Variants in ZFC3H1 observed in about 807,000 individuals in gnomAD.
ZFC3H1 encodes the protein zinc finger C3H1-type containing.
A neutral mutation model predicts 243.7 loss-of-function variants in ZFC3H1; 71 were observed. That is an observed-to-expected ratio of 0.29 (90% CI 0.24 to 0.36). The LOEUF (loss-of-function observed/expected upper bound fraction) is 0.36, where lower values mean the gene tolerates loss of function less well. ZFC3H1 is among the 10% of genes least tolerant of loss of function. The pLI is 1.00. For missense variants in ZFC3H1, 1,966 were observed against 2,317.1 expected, an observed-to-expected ratio of 0.85 and a Z score of 3.11; for synonymous variants, 838 against 813.0, an observed-to-expected ratio of 1.03 and a Z score of -0.52.
chr12:71,663,506 C>G lies in ZFC3H1; in HGVS notation c.105G>C (p.Gln35His), dbSNP rs754690346. 2 of 1,613,510 alleles carry G rather than the reference C, an allele frequency of 1.2e-6. No homozygotes were observed. Among genetic ancestry groups the G allele is most frequent in the East Asian group, 2.2e-5 (1 of 44,904 alleles). ...TGCTGCTGCTGCTCCGACTCCGTAT[C>G]TGGCTGTTATTATCGTCGTCACTGA... The part of the protein sequence containing the change: ...GEISDDDNNS[Q>H]IRSRSSSSSS... Residue 35 changes from glutamine to histidine, a missense_variant, in exon 1 of 35, where the codon CAG becomes CAC. Around this residue, in one of 4 missense-constraint regions of ZFC3H1, gnomAD observed 484 missense variants for 449.7 expected, o/e 1.08. Transcript: ENST00000378743.
chr12:71,630,082 T>C (rs901934012), intron 18 of ZFC3H1, among the ~76,000 whole-genome samples: 5 of 152,210 alleles, frequency 3.3e-5, no homozygotes, highest in Non-Finnish European at 7.3e-5. Context: ...AGCTTGAGGT[T>C]TATTACTTGG....
In ZFC3H1 at chr12:71,626,148, T is replaced by A. The variant is rs1007962489; in HGVS notation, c.4317+112A>T. The A allele has an allele frequency of 1.0e-4, 111 of 1,103,036 alleles. 3 individuals carry two copies. The Admixed American group carries it at 1.1e-3, about 11-fold the overall frequency. The allele number at this position is 1,103,036 out of a possible 1,614,324, so 68.3% of individuals were successfully genotyped here. A position where few individuals can be genotyped will look rare whatever the true frequency, so the allele number is the denominator to read the frequency against. ...GAAAGTAAGGTTATTATGTCTATATTCAGATAAAGCATATGCTCTATTAAG... is the reference window on the plus strand; with the variant it reads ...GAAAGTAAGGTTATTATGTCTATATACAGATAAAGCATATGCTCTATTAAG... On this transcript the variant is annotated intron_variant, in intron 22 of 34. Transcript: ENST00000378743.
Position 71,634,744 on chromosome 12 carries a change from TTTC to T in ZFC3H1, c.2317_2319del (p.Glu773del). 2.5e-6 allele frequency: 4 copies of T among 1,606,510 alleles called. No individual in the cohort carries two copies. Among genetic ancestry groups the T allele is most frequent in the Non-Finnish European group, 3.4e-6 (4 of 1,177,346 alleles). ...TTTAACAATCTATATTCAATCTTCT[TTTC>T]TTCAGGCAAAGCCTCCGGTGTTCGC... On this transcript the variant is annotated inframe_deletion, in exon 11 of 35. Coordinates refer to ENST00000378743, the MANE Select transcript of ZFC3H1 (RefSeq NM_144982.5).
intron 6 of ZFC3H1, among the ~76,000 whole-genome samples, chr12:71,638,819 AAAAAC>A (rs1220346359): frequency 6.6e-6 from 1 of 151,850 alleles, no homozygotes; most frequent in Non-Finnish European, 1.5e-5. Context: ...CATACTTTAA[AAAAAC>A]AAACAAAAAA....
At chr12:71,615,811 C>T (rs1024900195) in intron 27 of ZFC3H1, among the ~76,000 whole-genome samples, 14 of 152,128 alleles carry the variant, frequency 9.2e-5, no homozygotes, top group Non-Finnish European at 2.1e-4. Flanking sequence ...AGCTGCTGCG[C>T]CTGGCCACAG....
intron 20 of ZFC3H1, among the ~76,000 whole-genome samples, chr12:71,628,603 G>A (rs1042599609): frequency 2.0e-5 from 3 of 152,192 alleles, no homozygotes; most frequent in Admixed American, 1.3e-4. Flanking sequence ...AGGCTAGGCA[G>A]TGGTTCTCAA....
At chr12:71,637,117 C>T in intron 7 of ZFC3H1, 58 bp from the exon 8 acceptor site, 3 of 1,404,694 alleles carry the variant, frequency 2.1e-6, no homozygotes, top group Non-Finnish European at 3.0e-6. Flanking sequence ...AAATGCTTCT[C>T]TCTGCAGCAA....
At chr12:71,635,961 C>G (rs1030393974) in intron 9 of ZFC3H1, among the ~76,000 whole-genome samples, 1 of 152,078 alleles carries the variant, frequency 6.6e-6, no homozygotes, top group Non-Finnish European at 1.5e-5. Context: ...ACTGGCTTAC[C>G]TAACAGGAAA....
intron 2 of ZFC3H1, 69 bp from the exon 3 acceptor site, chr12:71,647,882 TATA>T (rs1217221791): frequency 3.4e-6 from 2 of 586,872 alleles, no homozygotes; most frequent in Non-Finnish European, 5.6e-6. Context: ...AATAATCCTA[TATA>T]ATATCTGGTA....
rs1438349291 is a variant in ZFC3H1, at chr12:71,614,937, G to A, written c.5257C>T (p.Leu1753Phe). Reference protein sequence around the residue: ...QVPYLWLIYCLCHPLQSSIKE... With the variant: ...QVPYLWLIYCFCHPLQSSIKE... ...ATACTTGATTGAAGAGGATGACAAA[G>A]GCTGTTTAAAAAATGAAGGAAAACA... The change falls in exon 29 of 35, where the codon CTT becomes TTT. Residue 1753 changes from leucine to phenylalanine, a missense_variant and splice_region_variant. Physicochemically the swap from Leu to Phe is conservative, Grantham distance 22 (BLOSUM62 0). Transcript: ENST00000378743. The A allele has an allele frequency of 6.2e-7, 1 of 1,611,594 alleles. No individual in the cohort carries two copies. Among genetic ancestry groups the A allele is most frequent in the Admixed American group, 1.7e-5 (1 of 59,754 alleles).
At position 71,657,143 on chromosome 12, in the gene ZFC3H1, T is replaced by C; in HGVS notation, c.757A>G (p.Lys253Glu). ...GGATCTTCCTGCACATTCTCTTCTT[T>C]GCTACTCAATGCTAGTTTTTCATCC... ...NKDEKLALSS[K>E]EENVQEDPKT... The change falls in exon 2 of 35, where the codon AAA becomes GAA. Residue 253 changes from lysine (K) to glutamate (E), a missense_variant. Coordinates refer to ENST00000378743, the MANE Select transcript of ZFC3H1 (RefSeq NM_144982.5). The C allele has an allele frequency of 6.2e-7, 1 of 1,613,982 alleles. No homozygotes were observed. The highest frequency in any genetic ancestry group is 8.5e-7 in the Non-Finnish European group (1 of 1,179,940).
In ZFC3H1 at chr12:71,632,986, T is replaced by C. The variant is rs369134726; in HGVS notation, c.2717A>G (p.Lys906Arg). ...TCCATATTTTAGAGTCAAAGCTTTC[T>C]TAATTGTAACACGCTGTTGAACTCT... Reference protein sequence around the residue: ...IHRVQQRVTIKKALTLKYGEE... With the variant: ...IHRVQQRVTIRKALTLKYGEE... Residue 906 changes from lysine (K) to arginine (R), a missense_variant, in exon 14 of 35, where the codon AAG (lysine) becomes AGG (arginine). Lys to Arg is a conservative substitution (Grantham distance 26, BLOSUM62 2). Coordinates refer to ENST00000378743, the MANE Select transcript of ZFC3H1 (RefSeq NM_144982.5). 6.2e-6 allele frequency: 10 copies of C among 1,612,640 alleles called. No individual in the cohort carries two copies. The African/African-American group carries it at 9.4e-5, about 15-fold the overall frequency.
chr12:71,630,942 A>G lies in ZFC3H1; in HGVS notation c.3483T>C (p.Tyr1161=), dbSNP rs1880306365. 1 of 1,611,364 alleles carries G rather than the reference A, an allele frequency of 6.2e-7. No individual in the cohort carries two copies. Among genetic ancestry groups the G allele is most frequent in the African/African-American group, 1.3e-5 (1 of 74,892 alleles). The change falls in exon 17 of 35, where the codon TAT becomes TAC. Residue 1161 remains tyrosine, a synonymous_variant. Coordinates refer to ENST00000378743, the MANE Select transcript of ZFC3H1 (RefSeq NM_144982.5). ...LVFKSYRFSP[Y]YRTKEKLPLS... The stretch of plus-strand genomic sequence containing the variant: ...GGGGAAGTTTTTCCTTGGTTCGATA[A>G]TATGGACTAAATCTAAGGTGAAGAG...
At chr12:71,639,050 C>T (rs575765270) in intron 6 of ZFC3H1, among the ~76,000 whole-genome samples, 3 of 152,096 alleles carry the variant, frequency 2.0e-5, no homozygotes, top group Non-Finnish European at 4.4e-5. Flanking sequence ...CAATAAGGTG[C>T]ACATTTTTTC....
At chr12:71,643,217 C>A (rs959034153) in intron 5 of ZFC3H1, among the ~76,000 whole-genome samples, 5 of 151,994 alleles carry the variant, frequency 3.3e-5, no homozygotes, top group Non-Finnish European at 1.5e-5. Flanking sequence ...TCAAGACCAG[C>A]CTGGCCAACA....
At position 71,663,479 on chromosome 12, in the gene ZFC3H1, G is replaced by A; in HGVS notation, c.132C>T (p.Ser44=). ...GATAGGGTAACAGCCCGCCGCCGCT[G>A]CTGCTGCTGCTGCTCCGACTCCGTA... The part of the protein sequence containing the change: ...SQIRSRSSSS[S]SGGGLLPYPR... The change falls in exon 1 of 35, where the codon AGC becomes AGT. Residue 44 remains serine (S), a synonymous_variant. Transcript: ENST00000378743. 2 of 1,612,870 alleles carry A rather than the reference G, an allele frequency of 1.2e-6. No individual in the cohort carries two copies. Among genetic ancestry groups the A allele is most frequent in the South Asian group, 2.2e-5 (2 of 91,088 alleles).
chr12:71,631,923 A>G (rs779853568), intron 15 of ZFC3H1, 36 bp from the exon 16 acceptor site: 2 of 1,604,930 alleles, frequency 1.2e-6, no homozygotes, highest in Non-Finnish European at 1.7e-6. Context: ...AAGGCAAATA[A>G]GGCTGGGTGA....
At chr12:71,657,840 T>C (rs1192158822) in intron 1 of ZFC3H1, among the ~76,000 whole-genome samples, 1 of 151,788 alleles carries the variant, frequency 6.6e-6, no homozygotes, top group Admixed American at 6.6e-5. Flanking sequence ...AATTAAAAAA[T>C]TAGCCAGGCG....
chr12:71,634,365 AATGT>A (rs758553727), intron 11 of ZFC3H1, 61 bp from the exon 12 acceptor site: 16 of 1,532,000 alleles, frequency 1.0e-5, no homozygotes, highest in African/African-American at 2.8e-5. Context: ...CTATTTTTAA[AATGT>A]ATTCTATTTC....
Sources: gnomAD v4.1 joint callset for allele counts (sites outside exome capture counted in the v4.1 genomes callset) on GRCh38, gnomAD v4.1.1 for gene constraint, gnomAD v4.1.1 regional missense constraint, MANE v1.5 for transcripts, NCBI Gene and HGNC (gene_info 2026-07-23, HGNC 2026-07-21) for gene names.